Variants in TRDN observed in about 807,000 individuals in gnomAD.
TRDN encodes triadin in skeletal muscle.
A neutral mutation model predicts 149.7 loss-of-function variants in TRDN; 161 were observed. That is an observed-to-expected ratio of 1.08 (90% confidence interval 0.95 to 1.23). The LOEUF (loss-of-function observed/expected upper bound fraction) is 1.23. Ranked by LOEUF, TRDN falls within the 50% of genes most tolerant of loss-of-function variation. The pLI is 0.00. For synonymous variants in TRDN, 294 were observed against 250.5 expected, an observed-to-expected ratio of 1.17 and a Z score of -1.64; for missense variants, 896 against 823.5, an observed-to-expected ratio of 1.09 and a Z score of -1.08.
intron 10 of TRDN, among the ~76,000 whole-genome samples, chr6:123,459,004 T>C (rs1776294442): frequency 6.6e-6 from 1 of 152,244 alleles, no homozygotes; most frequent in Non-Finnish European, 1.5e-5. Context: ...AAAAGTGTTT[T>C]GTCATGAAAA....
chr6:123,542,041 A>T (rs1287278115), intron 4 of TRDN, among the ~76,000 whole-genome samples: 3 of 152,178 alleles, frequency 2.0e-5, no homozygotes, highest in Admixed American at 1.3e-4. Flanking sequence ...AAGTAAGAAA[A>T]ATACACAACG....
Position 123,328,349 on chromosome 6 carries a change from G to A in TRDN, c.1471+3530C>T, listed in dbSNP as rs192264285. On this transcript the variant is annotated intron_variant, in intron 23 of 40. Transcript: ENST00000334268. ...CCATGTACTGAAGATGGCAGAGGCC[G>A]CCCCAAATGACCACACACCCCCAAC... 1.5e-3 allele frequency among the ~76,000 whole-genome samples: 234 copies of A among 152,282 alleles called. 3 individuals carry two copies. The highest frequency in any genetic ancestry group is 4.4e-3 in the East Asian group (23 of 5,178).
chr6:123,404,664 C>A (rs1183932695), intron 12 of TRDN, among the ~76,000 whole-genome samples: 1 of 152,052 alleles, frequency 6.6e-6, no homozygotes, highest in Non-Finnish European at 1.5e-5. Flanking sequence ...AGGTTTGTTT[C>A]GAACTCTTGA....
chr6:123,218,848 T>C, intron 40 of TRDN, 108 bp from the exon 41 acceptor site: 1 of 1,208,572 alleles, frequency 8.3e-7, no homozygotes, highest in Non-Finnish European at 1.1e-6. Flanking sequence ...GCCAGCAGCC[T>C]CCGTAGCTGT....
chr6:123,254,558 C>T (rs551333772), intron 37 of TRDN, among the ~76,000 whole-genome samples: 10 of 151,870 alleles, frequency 6.6e-5, no homozygotes, highest in South Asian at 2.1e-4. Context: ...TTAGTATAAA[C>T]GTTATTTACA....
chr6:123,601,305 T>G (rs578066654), intron 1 of TRDN, among the ~76,000 whole-genome samples: 3 of 152,240 alleles, frequency 2.0e-5, no homozygotes, highest in African/African-American at 7.2e-5. Context: ...CAACTTTCTA[T>G]GAACAGCATA....
At chr6:123,410,299 T>C (rs954594360) in intron 12 of TRDN, among the ~76,000 whole-genome samples, 3 of 152,162 alleles carry the variant, frequency 2.0e-5, no homozygotes, top group Non-Finnish European at 4.4e-5. Context: ...TGGTAAGACA[T>C]TTCTATGCCC....
At chr6:123,407,682 G>A (rs561280754) in intron 12 of TRDN, among the ~76,000 whole-genome samples, 281 of 151,834 alleles carry the variant, frequency 1.9e-3, no homozygotes, top group African/African-American at 6.4e-3. Context: ...ATGAACTAAA[G>A]GAATAAGTCC....
chr6:123,281,409 C>T (rs190475725), intron 24 of TRDN, among the ~76,000 whole-genome samples: 1 of 152,054 alleles, frequency 6.6e-6, no homozygotes, highest in Admixed American at 6.6e-5. Flanking sequence ...AAGCACAGTT[C>T]AATAAGAGGA....
At chr6:123,265,745 C>T (rs1198101726) in intron 32 of TRDN, among the ~76,000 whole-genome samples, 2 of 147,268 alleles carry the variant, frequency 1.4e-5, no homozygotes, top group Non-Finnish European at 3.0e-5. Flanking sequence ...TTAATTTATA[C>T]TAATAATATT....
At chr6:123,451,755 GTATTACCT>G (rs1775790635) in intron 10 of TRDN, among the ~76,000 whole-genome samples, 1 of 152,064 alleles carries the variant, frequency 6.6e-6, no homozygotes, top group Non-Finnish European at 1.5e-5. Flanking sequence ...TATGAAGTCA[GTATTACCT>G]GAATACCAAA....
chr6:123,218,829 A>C, intron 40 of TRDN, 89 bp from the exon 41 acceptor site: 128 of 1,380,466 alleles, frequency 9.3e-5, no homozygotes, highest in Non-Finnish European at 1.2e-4. Flanking sequence ...AGATAAGGTC[A>C]CAGATTCTGC....
At chr6:123,238,117 A>G (rs1313385675) in intron 38 of TRDN, among the ~76,000 whole-genome samples, 1 of 152,214 alleles carries the variant, frequency 6.6e-6, no homozygotes, top group Non-Finnish European at 1.5e-5. Flanking sequence ...GTTTTCTACT[A>G]ACAGAACTCT....
chr6:123,449,744 A>T (rs1775649072), intron 10 of TRDN, among the ~76,000 whole-genome samples: 1 of 152,214 alleles, frequency 6.6e-6, no homozygotes, highest in African/African-American at 2.4e-5. Context: ...TTGCAAAAAG[A>T]TCATCACCTA....
chr6:123,455,105 T>C (rs1776030220), intron 10 of TRDN, among the ~76,000 whole-genome samples: 1 of 152,186 alleles, frequency 6.6e-6, no homozygotes, highest in Non-Finnish European at 1.5e-5. Context: ...CTTTCAACTG[T>C]CTCACAACCA....
chr6:123,449,710 C>T (rs1393764680), intron 10 of TRDN, among the ~76,000 whole-genome samples: 2 of 152,086 alleles, frequency 1.3e-5, no homozygotes, highest in Non-Finnish European at 2.9e-5. Flanking sequence ...ATACAAGAAG[C>T]ACAAAGAACA....
At chr6:123,517,012 T>C (rs1180063703) in intron 5 of TRDN, among the ~76,000 whole-genome samples, 1 of 152,172 alleles carries the variant, frequency 6.6e-6, no homozygotes, top group African/African-American at 2.4e-5. Flanking sequence ...ACACTTGCTA[T>C]GTGCTAAAGA....
intron 10 of TRDN, among the ~76,000 whole-genome samples, chr6:123,443,203 T>A (rs932165715): frequency 2.0e-5 from 3 of 149,878 alleles, no homozygotes; most frequent in Non-Finnish European, 4.4e-5. Flanking sequence ...TTAAAATGAA[T>A]ATGTATGTAT....
intron 2 of TRDN, among the ~76,000 whole-genome samples, chr6:123,569,446 TCC>T (rs1782450694): frequency 6.6e-6 from 1 of 152,252 alleles, no homozygotes. Context: ...TTTTCTGGTA[TCC>T]TTATAGCAAT....
Sources: allele counts gnomAD v4.1 joint callset (sites outside exome capture counted in the v4.1 genomes callset), GRCh38; gene constraint gnomAD v4.1.1; transcripts MANE v1.5; gene names NCBI Gene and HGNC (gene_info 2026-07-23, HGNC 2026-07-21).